The following CDKN2B-AS1 variants were observed in gnomAD, a reference collection of about 807,000 sequenced individuals.
CDKN2B-AS1 encodes CDKN2B antisense RNA 1 (non-protein coding).
chr9:22,034,509 C>T lies in CDKN2B-AS1; in HGVS notation n.30-12242C>T, dbSNP rs375885937. ...AAATTCAAATTCTTGTATTCTGAAA[C>T]GCAACTATTCTTTCTCCAACTTGGT... On this transcript the variant is annotated intron_variant and non_coding_transcript_variant, in intron 1 of 4. Transcript: ENST00000650946. Among the ~76,000 whole-genome samples the T allele has an allele frequency of 7.9e-5, 12 of 152,248 alleles. No homozygotes were observed. In the East Asian group the frequency reaches 1.7e-3, roughly 22 times the overall value.
At chr9:22,002,550 A>G (rs751738848) in intron 1 of CDKN2B-AS1, among the ~76,000 whole-genome samples, 2 of 151,722 alleles carry the variant, frequency 1.3e-5, no homozygotes, top group Non-Finnish European at 2.9e-5. Context: ...AGGGAGGGCA[A>G]TCTCAGTGTA....
chr9:22,048,654 A>G (rs1587456120), intron 2 of CDKN2B-AS1, among the ~76,000 whole-genome samples: 1 of 152,090 alleles, frequency 6.6e-6, no homozygotes, highest in African/African-American at 2.4e-5. Context: ...CACCAATCCA[A>G]TCCATATCGG....
At chr9:22,099,013 G>C (rs1451735592) in intron 4 of CDKN2B-AS1, among the ~76,000 whole-genome samples, 1 of 152,204 alleles carries the variant, frequency 6.6e-6, no homozygotes, top group Admixed American at 6.5e-5. Flanking sequence ...AAGTGCTTTT[G>C]ATGGAATTAA....
At chr9:22,033,539 A>G (rs974362372) in intron 1 of CDKN2B-AS1, among the ~76,000 whole-genome samples, 6 of 152,188 alleles carry the variant, frequency 3.9e-5, no homozygotes, top group Non-Finnish European at 7.4e-5. Context: ...AAACCTCATA[A>G]TTAAAAACAA....
intron 1 of CDKN2B-AS1, chr9:22,004,603 T>G (rs1260845290): frequency 8.6e-6 from 2 of 232,478 alleles, no homozygotes; most frequent in African/African-American, 4.4e-5. Flanking sequence ...TAGTGAAGTA[T>G]CAGTTGTTCC....
At position 22,005,431 on chromosome 9, in the gene CDKN2B-AS1, AAGC is replaced by A. The variant is rs1330539708; in HGVS notation, n.29+10271_29+10273del. On this transcript the variant is annotated intron_variant and non_coding_transcript_variant, in intron 1 of 4. Transcript: ENST00000650946. This position sits in a 1 kb window ranked among gnomAD's most constrained non-coding sequence, Gnocchi z 4.9. The stretch of plus-strand genomic sequence containing the variant: ...TGTGACTTGCCATGCGCTCAAACTA[AAGC>A]GCCGCCGGGGACTTACTGAAGCCCA... 1.7e-4 allele frequency: 43 copies of A among 247,206 alleles called. No individual in the cohort carries two copies. Among genetic ancestry groups the A allele is most frequent in the Non-Finnish European group, 2.1e-4 (26 of 126,458 alleles). 15.3% of individuals were successfully genotyped at this position (247,206 alleles called of 1,614,324 possible).
intron 3 of CDKN2B-AS1, among the ~76,000 whole-genome samples, chr9:22,053,839 C>G (rs1823450932): frequency 1.3e-5 from 2 of 152,048 alleles, no homozygotes; most frequent in African/African-American, 4.8e-5. Flanking sequence ...TAGACCGTCA[C>G]TAGCTAATTG....
At chr9:22,055,992 C>T (rs183150053) in intron 3 of CDKN2B-AS1, among the ~76,000 whole-genome samples, 10 of 150,988 alleles carry the variant, frequency 6.6e-5, no homozygotes, top group East Asian at 3.9e-4. Context: ...CTAGGAAATA[C>T]GTTACAAAGT....
intron 4 of CDKN2B-AS1, among the ~76,000 whole-genome samples, chr9:22,060,190 G>A (rs771034308): frequency 2.6e-5 from 4 of 152,180 alleles, no homozygotes; most frequent in Non-Finnish European, 4.4e-5. Context: ...CTATTGCATA[G>A]TCAGGCTGCA....
At chr9:22,059,100 G>A (rs1319886898) in intron 4 of CDKN2B-AS1, 1 of 152,312 alleles carries the variant, frequency 6.6e-6, no homozygotes, top group African/African-American at 2.4e-5. Flanking sequence ...TTTCACCCCT[G>A]GCCCCTCCAA....
At chr9:22,082,378 C>A (rs553885386) in intron 4 of CDKN2B-AS1, among the ~76,000 whole-genome samples, 46 of 152,324 alleles carry the variant, frequency 3.0e-4, no homozygotes, top group African/African-American at 1.1e-3. Flanking sequence ...TCACATCAAT[C>A]TCATCAGAAA....
At chr9:22,059,719 C>T (rs1415151838) in intron 4 of CDKN2B-AS1, among the ~76,000 whole-genome samples, 2 of 152,240 alleles carry the variant, frequency 1.3e-5, no homozygotes, top group Admixed American at 6.5e-5. Flanking sequence ...CAGAGGTTCT[C>T]CATGAGAGCC....
Position 21,997,228 on chromosome 9 carries a change from T to A in CDKN2B-AS1, n.29+2067T>A, listed in dbSNP as rs1003201180. 3.3e-5 allele frequency among the ~76,000 whole-genome samples: 5 copies of A among 152,212 alleles called. No individual in the cohort carries two copies. Among genetic ancestry groups the A allele is most frequent in the Admixed American group, 2.0e-4 (3 of 15,284 alleles). ...TACTGTAGATAATTGTAACAAAATGTAGTTTTATATCTAAACACATCTAAA... is the reference window on the plus strand; with the variant it reads ...TACTGTAGATAATTGTAACAAAATGAAGTTTTATATCTAAACACATCTAAA... On this transcript the variant is annotated intron_variant and non_coding_transcript_variant, in intron 1 of 4. Coordinates refer to ENST00000650946, the Ensembl canonical transcript of CDKN2B-AS1. This position sits in a 1 kb window ranked among gnomAD's most constrained non-coding sequence, Gnocchi z 4.8.
At chr9:22,084,424 G>T (rs1369063275) in intron 4 of CDKN2B-AS1, among the ~76,000 whole-genome samples, 1 of 152,104 alleles carries the variant, frequency 6.6e-6, no homozygotes, top group Admixed American at 6.6e-5. Flanking sequence ...TGAGAAATTG[G>T]CCATGTAGTA....
At chr9:22,124,891 A>C (rs1817993379) in intron 4 of CDKN2B-AS1, among the ~76,000 whole-genome samples, 1 of 152,370 alleles carries the variant, frequency 6.6e-6, no homozygotes, top group Non-Finnish European at 1.5e-5. Flanking sequence ...CACAATGTCT[A>C]CACGCAAATG....
chr9:22,056,470 A>C (rs560963800), intron 4 of CDKN2B-AS1: 8 of 152,210 alleles, frequency 5.3e-5, no homozygotes, highest in African/African-American at 1.9e-4. Flanking sequence ...GAAAATTGCC[A>C]CATAGATTAG....
chr9:22,007,814 TAA>T (rs1472852545), intron 1 of CDKN2B-AS1, among the ~76,000 whole-genome samples: 1 of 152,170 alleles, frequency 6.6e-6, no homozygotes, highest in Non-Finnish European at 1.5e-5. Flanking sequence ...AATAAAATTT[TAA>T]GTTTTTAAGA....
chr9:22,106,587 T>C lies in CDKN2B-AS1; in HGVS notation n.439-20516T>C, dbSNP rs150606524. ...AAGGTACTAGTACTAATTTGGAGAG[T>C]TGTTAAAGATTAAATAATATATGTA... On this transcript the variant is annotated intron_variant and non_coding_transcript_variant, in intron 4 of 4. Transcript: ENST00000650946. 4.1e-3 allele frequency among the ~76,000 whole-genome samples: 617 copies of C among 152,134 alleles called. 5 individuals are homozygous for C. Among genetic ancestry groups the C allele is most frequent in the African/African-American group, 0.014 (579 of 41,486 alleles).
At chr9:22,104,930 C>T (rs555540655) in intron 4 of CDKN2B-AS1, among the ~76,000 whole-genome samples, 20 of 152,250 alleles carry the variant, frequency 1.3e-4, no homozygotes, top group African/African-American at 4.1e-4. Flanking sequence ...CTCCACAGTA[C>T]ATCTAAGATA....
Sources: allele counts gnomAD v4.1 joint callset (sites outside exome capture counted in the v4.1 genomes callset), GRCh38; gene constraint gnomAD v4.1.1; non-coding constraint Gnocchi (gnomAD v3.1); transcripts MANE v1.5; gene names NCBI Gene and HGNC (gene_info 2026-07-23, HGNC 2026-07-21).